FGF12: variants seen among roughly 807,000 people sequenced by gnomAD.
FGF12 encodes fibroblast growth factor 12B.
FGF12 carries 14 observed loss-of-function variants against 23.6 expected under a neutral mutation model. That is an observed-to-expected ratio of 0.59 (90% CI 0.39 to 0.93). The LOEUF is 0.93. FGF12 is among the 40% of genes least tolerant of loss of function. The pLI, the probability that FGF12 is intolerant of heterozygous loss-of-function variation, is 0.00. For missense variants in FGF12, 175 were observed against 217.8 expected (o/e 0.80, Z 1.24); for synonymous variants, 62 against 77.3 (o/e 0.80, Z 1.04).
chr3:192,140,151 C>T lies in FGF12; in HGVS notation c.*3858G>A, dbSNP rs1713291279. On this transcript the variant is annotated 3_prime_UTR_variant, in exon 6 of 6. Transcript: ENST00000445105. ...ATTTTTGATTACCTATGACTAAAGACCACAAATCAAATAAAAACTCATATA... is the reference window on the plus strand; with the variant it reads ...ATTTTTGATTACCTATGACTAAAGATCACAAATCAAATAAAAACTCATATA... 6.6e-6 allele frequency: 1 copy of T among 151,840 alleles called. No homozygotes were observed. Among genetic ancestry groups the T allele is most frequent in the African/African-American group, 2.4e-5 (1 of 41,370 alleles). 9.4% of individuals were successfully genotyped at this position (151,840 alleles called of 1,614,324 possible).
At chr3:192,156,648 A>T (rs1714441968) in intron 5 of FGF12, among the ~76,000 whole-genome samples, 1 of 150,134 alleles carries the variant, frequency 6.7e-6, no homozygotes, top group Non-Finnish European at 1.5e-5. Context: ...TCCTTGATCA[A>T]GCCGCTTGCC....
At chr3:192,701,462 T>C (rs1718295450) in intron 2 of FGF12, among the ~76,000 whole-genome samples, 1 of 152,198 alleles carries the variant, frequency 6.6e-6, no homozygotes, top group Non-Finnish European at 1.5e-5. Context: ...GAAACTCTTT[T>C]CATCAACAAG....
chr3:192,523,332 A>G (rs1338724881), intron 2 of FGF12, among the ~76,000 whole-genome samples: 2 of 152,210 alleles, frequency 1.3e-5, no homozygotes, highest in Non-Finnish European at 2.9e-5. Context: ...GCATGAGGAA[A>G]TGATAAGAAA....
Position 192,141,260 on chromosome 3 carries a change from A to T in FGF12, c.*2749T>A, listed in dbSNP as rs1713369048. 1 of 151,946 alleles carries T rather than the reference A, an allele frequency of 6.6e-6. No homozygotes were observed. The highest frequency in any genetic ancestry group is 1.5e-5 in the Non-Finnish European group (1 of 67,862). The allele number at this position is 151,946 out of a possible 1,614,324, so 9.4% of individuals were successfully genotyped here. ...TACTTGAAATAAGCCTGAAAAACAA[A>T]GTACTTAAACTCAACCATATTTTTG... On this transcript the variant is annotated 3_prime_UTR_variant, in exon 6 of 6. Coordinates refer to ENST00000445105, the MANE Select transcript of FGF12 (RefSeq NM_004113.6).
intron 2 of FGF12, among the ~76,000 whole-genome samples, chr3:192,402,952 T>C (rs1720822049): frequency 6.6e-6 from 1 of 152,186 alleles, no homozygotes; most frequent in Non-Finnish European, 1.5e-5. Flanking sequence ...ATATAGCATA[T>C]CAAGCGTGTC....
intron 2 of FGF12, among the ~76,000 whole-genome samples, chr3:192,660,743 C>A (rs1716636033): frequency 6.6e-6 from 1 of 152,038 alleles, no homozygotes; most frequent in South Asian, 2.1e-4. Context: ...TACTAATAGA[C>A]CTCCTAAAAA....
At chr3:192,356,416 CTT>C (rs1718474947) in intron 3 of FGF12, among the ~76,000 whole-genome samples, 1 of 152,162 alleles carries the variant, frequency 6.6e-6, no homozygotes, top group Admixed American at 6.5e-5. Flanking sequence ...TCAAATGTAT[CTT>C]GTCCTATGGT....
intron 4 of FGF12, among the ~76,000 whole-genome samples, chr3:192,302,007 C>A (rs1715376661): frequency 6.6e-6 from 1 of 152,166 alleles, no homozygotes; most frequent in Admixed American, 6.5e-5. Flanking sequence ...ATAAGAGAAA[C>A]CCTATTTCAT....
At chr3:192,176,197 T>C (rs895316203) in intron 4 of FGF12, among the ~76,000 whole-genome samples, 2 of 152,250 alleles carry the variant, frequency 1.3e-5, no homozygotes, top group African/African-American at 4.8e-5. Context: ...CCCCACTTCC[T>C]AACCCTCAAG....
At chr3:192,230,221 A>G (rs1001052185) in intron 4 of FGF12, among the ~76,000 whole-genome samples, 3 of 152,144 alleles carry the variant, frequency 2.0e-5, no homozygotes, top group Non-Finnish European at 2.9e-5. Flanking sequence ...TTATCATTCA[A>G]TATTAAAAAT....
intron 2 of FGF12, among the ~76,000 whole-genome samples, chr3:192,553,716 G>T (rs1711625919): frequency 6.6e-6 from 1 of 152,142 alleles, no homozygotes; most frequent in Non-Finnish European, 1.5e-5. Flanking sequence ...GCTCAGAGTT[G>T]TACAATCCGG....
chr3:192,432,678 T>G (rs554637630), intron 2 of FGF12, among the ~76,000 whole-genome samples: 3 of 149,202 alleles, frequency 2.0e-5, no homozygotes, highest in Non-Finnish European at 4.4e-5. Context: ...AGAAAGGATG[T>G]CAGTCTTGCA....
At chr3:192,230,623 A>C (rs1212935081) in intron 4 of FGF12, among the ~76,000 whole-genome samples, 1 of 152,194 alleles carries the variant, frequency 6.6e-6, no homozygotes, top group African/African-American at 2.4e-5. Context: ...ATAGAAAAAA[A>C]CCAAAAGGTT....
chr3:192,451,667 T>C (rs1722525107), intron 2 of FGF12, among the ~76,000 whole-genome samples: 1 of 152,176 alleles, frequency 6.6e-6, no homozygotes, highest in Non-Finnish European at 1.5e-5. Context: ...CTGGTAAATA[T>C]CACATATATT....
chr3:192,339,248 T>C (rs530832413), intron 3 of FGF12, among the ~76,000 whole-genome samples: 2 of 152,328 alleles, frequency 1.3e-5, no homozygotes, highest in Admixed American at 1.3e-4. Flanking sequence ...GACTTACTGT[T>C]ATCTATTAAT....
chr3:192,543,136 C>G (rs1490442769), intron 2 of FGF12, among the ~76,000 whole-genome samples: 1 of 125,682 alleles, frequency 8.0e-6, no homozygotes, highest in Non-Finnish European at 1.7e-5. Context: ...CGATGTTTTT[C>G]AGAAGCCAGT....
rs534160087 is a variant in FGF12 at position 192,440,713 on chromosome 3, C to G, written c.14-80175G>C. On this transcript the variant is annotated intron_variant, in intron 2 of 5. Transcript: ENST00000445105. Reference sequence around the variant, plus strand: ...ACATTTGAAAACCTAACTCTCTTTACTCTTCTAAGACATATTAATCACTCA... The same window carrying G: ...ACATTTGAAAACCTAACTCTCTTTAGTCTTCTAAGACATATTAATCACTCA... 3.9e-5 allele frequency among the ~76,000 whole-genome samples: 6 copies of G among 152,290 alleles called. No homozygotes were observed. In the South Asian group the frequency reaches 1.2e-3, roughly 32 times the overall value.
intron 2 of FGF12, among the ~76,000 whole-genome samples, chr3:192,607,846 T>TAAAAAAA (rs36061162): frequency 5.7e-5 from 7 of 122,016 alleles, no homozygotes; most frequent in South Asian, 2.6e-4. Context: ...CACTGAAAAT[T>TAAAAAAA]AAAAAAAAAA....
chr3:192,678,966 C>T (rs117813618), intron 2 of FGF12, among the ~76,000 whole-genome samples: 25 of 152,236 alleles, frequency 1.6e-4, no homozygotes, highest in East Asian at 1.4e-3. Flanking sequence ...AGGGGTTATG[C>T]GGGTGAGGCC....
Sources: allele counts gnomAD v4.1 joint callset (sites outside exome capture counted in the v4.1 genomes callset), GRCh38; gene constraint gnomAD v4.1.1; transcripts MANE v1.5; gene names NCBI Gene and HGNC (gene_info 2026-07-23, HGNC 2026-07-21).